PRKCE: variants seen among roughly 807,000 people sequenced by gnomAD.
PRKCE encodes the protein protein kinase C epsilon type.
PRKCE carries 16 observed loss-of-function variants against 85.4 expected under a neutral mutation model. The ratio of observed to expected loss-of-function variants is 0.19; its 90% CI spans 0.13 to 0.28. The LOEUF (loss-of-function observed/expected upper bound fraction) is 0.28, where lower values mean the gene tolerates loss of function less well. PRKCE is among the 10% of genes least tolerant of loss of function. The pLI, the probability that PRKCE is intolerant of heterozygous loss-of-function variation, is 1.00. For missense variants in PRKCE, 573 were observed against 975.2 expected (o/e 0.59, Z 5.49); for synonymous variants, 388 against 371.5 (o/e 1.04, Z -0.51).
At chr2:45,703,209 A>G (rs1355426171) in intron 1 of PRKCE, among the ~76,000 whole-genome samples, 1 of 151,512 alleles carries the variant, frequency 6.6e-6, no homozygotes, top group East Asian at 1.9e-4. Flanking sequence ...CTTTCCTCCT[A>G]TATTTTATTC....
chr2:46,043,876 A>G (rs1365147525), intron 10 of PRKCE, among the ~76,000 whole-genome samples: 1 of 152,216 alleles, frequency 6.6e-6, no homozygotes, highest in African/African-American at 2.4e-5. Context: ...GGAGTCTCCT[A>G]TTTATTTTTG....
chr2:46,057,204 C>T (rs914096897), intron 10 of PRKCE, among the ~76,000 whole-genome samples: 6 of 152,194 alleles, frequency 3.9e-5, no homozygotes, highest in African/African-American at 1.4e-4. Flanking sequence ...GGAAGATCCA[C>T]TGTCTTCATG....
intron 2 of PRKCE, among the ~76,000 whole-genome samples, chr2:45,866,397 T>C (rs531120486): frequency 6.6e-6 from 1 of 152,328 alleles, no homozygotes; most frequent in South Asian, 2.1e-4. Flanking sequence ...AAGCTCCCGC[T>C]CCTGGGTTCA....
intron 2 of PRKCE, among the ~76,000 whole-genome samples, chr2:45,855,246 T>C (rs1692580729): frequency 6.6e-6 from 1 of 152,204 alleles, no homozygotes; most frequent in Non-Finnish European, 1.5e-5. Context: ...TTATTTTACT[T>C]TTTAAAAATC....
chr2:45,985,363 G>C (rs1297684063), intron 6 of PRKCE, among the ~76,000 whole-genome samples: 1 of 152,148 alleles, frequency 6.6e-6, no homozygotes, highest in East Asian at 1.9e-4. Context: ...TATAACACAG[G>C]GAGGTGGAAA....
At chr2:46,175,294 C>T (rs925621170) in intron 14 of PRKCE, among the ~76,000 whole-genome samples, 1 of 152,160 alleles carries the variant, frequency 6.6e-6, no homozygotes, top group African/African-American at 2.4e-5. Flanking sequence ...GAGATAAATG[C>T]ACACAGGTGG....
chr2:45,733,037 T>C (rs1259731533), intron 1 of PRKCE, among the ~76,000 whole-genome samples: 3 of 152,206 alleles, frequency 2.0e-5, no homozygotes, highest in Admixed American at 6.5e-5. Context: ...AAAGCAGCCA[T>C]AGACAATACA....
chr2:46,162,550 G>A (rs1380319840), intron 14 of PRKCE, among the ~76,000 whole-genome samples: 4 of 152,230 alleles, frequency 2.6e-5, no homozygotes, highest in African/African-American at 2.4e-5. Context: ...GGAGGGGGGC[G>A]GGGTCAGGGG....
intron 1 of PRKCE, among the ~76,000 whole-genome samples, chr2:45,801,057 A>G (rs543801737): frequency 1.3e-5 from 2 of 152,300 alleles, no homozygotes; most frequent in South Asian, 4.1e-4. Flanking sequence ...GGGGAACAGC[A>G]TAAGTGAAAG....
chr2:46,136,197 A>C (rs11690961), intron 11 of PRKCE, among the ~76,000 whole-genome samples: 11,849 of 152,248 alleles, frequency 0.078, 572 homozygotes, highest in Non-Finnish European at 0.11. Context: ...TGGAATTTGC[A>C]TGCCAGGGAA....
chr2:45,706,362 G>T (rs696593), intron 1 of PRKCE, among the ~76,000 whole-genome samples: 1 of 152,002 alleles, frequency 6.6e-6, no homozygotes, highest in Admixed American at 6.6e-5. Context: ...GAGAAAATGA[G>T]GCTCTGAAAG....
chr2:46,024,306 A>ATTTT (rs34612971), intron 10 of PRKCE, among the ~76,000 whole-genome samples: 1 of 139,366 alleles, frequency 7.2e-6, no homozygotes. Context: ...TTATGAGGAC[A>ATTTT]TTTTTTTTTT....
intron 11 of PRKCE, among the ~76,000 whole-genome samples, chr2:46,110,470 G>T (rs1271382198): frequency 6.6e-6 from 1 of 152,132 alleles, no homozygotes; most frequent in African/African-American, 2.4e-5. Context: ...TATCAAATTT[G>T]TGGGCATAAA....
intron 2 of PRKCE, among the ~76,000 whole-genome samples, chr2:45,919,386 G>A (rs1698084218): frequency 6.6e-6 from 1 of 152,242 alleles, no homozygotes; most frequent in Admixed American, 6.5e-5. Context: ...CTTGGCTAGA[G>A]AAACCACAGG....
At chr2:45,702,660 A>G (rs1158419451) in intron 1 of PRKCE, among the ~76,000 whole-genome samples, 12 of 152,186 alleles carry the variant, frequency 7.9e-5, no homozygotes, top group Admixed American at 7.9e-4. Context: ...TGATATCTAA[A>G]TCACTATTAT....
intron 5 of PRKCE, among the ~76,000 whole-genome samples, chr2:45,981,302 G>T (rs1024264013): frequency 2.0e-5 from 3 of 152,218 alleles, no homozygotes; most frequent in Non-Finnish European, 4.4e-5. Flanking sequence ...ATTCTGTGTA[G>T]TCATAGGCTA....
Position 45,986,424 on chromosome 2 carries a change from G to A in PRKCE, c.823+1744G>A, listed in dbSNP as rs534486538. Among the ~76,000 whole-genome samples, 59 of 152,300 alleles carry A rather than the reference G, an allele frequency of 3.9e-4. No individual in the cohort carries two copies. In the South Asian group the frequency reaches 9.3e-3, roughly 24 times the overall value. ...GTTGATACAGCAGGGAAGGGGAGGC[G>A]AGCGGGGATGGGCCTTGGGGAGAAT... is the stretch of plus-strand genomic sequence containing the variant. On this transcript the variant is annotated intron_variant, in intron 6 of 14. Transcript: ENST00000306156.
At chr2:45,910,044 C>T (rs1697266282) in intron 2 of PRKCE, among the ~76,000 whole-genome samples, 1 of 72,478 alleles carries the variant, frequency 1.4e-5, no homozygotes, top group South Asian at 5.7e-4. Context: ...AAACTCACCG[C>T]CCCCCCCCAG....
intron 2 of PRKCE, among the ~76,000 whole-genome samples, chr2:45,866,645 C>T (rs957578450): frequency 2.0e-4 from 31 of 152,290 alleles, no homozygotes; most frequent in African/African-American, 5.8e-4. Flanking sequence ...GGGAAGCAGG[C>T]GACGGTGTTA....
Sources: gnomAD v4.1 joint callset for allele counts (sites outside exome capture counted in the v4.1 genomes callset) on GRCh38, gnomAD v4.1.1 for gene constraint, MANE v1.5 for transcripts, NCBI Gene and HGNC (gene_info 2026-07-23, HGNC 2026-07-21) for gene names.